The following DENND1A variants were observed in gnomAD, a reference collection of about 807,000 sequenced individuals.
DENND1A encodes the protein DENN domain-containing protein 1A.
A neutral mutation model predicts 113.7 loss-of-function variants in DENND1A; 51 were observed. That is an observed-to-expected ratio of 0.45 (90% confidence interval 0.36 to 0.57). DENND1A has a LOEUF of 0.57. Among genes scored for constraint, DENND1A ranks in the 20% least tolerant of loss-of-function variants. The pLI is 0.00. For missense variants in DENND1A, 1,258 were observed against 1,395.9 expected (o/e 0.90, Z 1.57); for synonymous variants, 565 against 570.8 (o/e 0.99, Z 0.14).
At chr9:123,799,968 T>C (rs962461947) in intron 2 of DENND1A, among the ~76,000 whole-genome samples, 10 of 152,252 alleles carry the variant, frequency 6.6e-5, no homozygotes, top group Admixed American at 6.5e-4. Context: ...ACTACAGATG[T>C]ATAGGTGTGC....
chr9:123,854,705 T>C (rs568303055), intron 2 of DENND1A, among the ~76,000 whole-genome samples: 2 of 132,334 alleles, frequency 1.5e-5, no homozygotes, highest in African/African-American at 5.7e-5. Context: ...AAAAAAAAAA[T>C]AAAAATAAAA....
chr9:123,915,303 T>C (rs1395334208), intron 1 of DENND1A, among the ~76,000 whole-genome samples: 1 of 152,148 alleles, frequency 6.6e-6, no homozygotes, highest in Non-Finnish European at 1.5e-5. Context: ...CTACCCGATC[T>C]AGTGGAGTTA....
At chr9:123,553,048 G>A (rs1042438236) in intron 13 of DENND1A, among the ~76,000 whole-genome samples, 1 of 152,154 alleles carries the variant, frequency 6.6e-6, no homozygotes, top group East Asian at 1.9e-4. Flanking sequence ...CTCGAGCCCA[G>A]GAGTTGAAAC....
chr9:123,446,071 A>T (rs141473445), intron 18 of DENND1A, among the ~76,000 whole-genome samples: 171 of 152,320 alleles, frequency 1.1e-3, no homozygotes, highest in Non-Finnish European at 2.0e-3. Context: ...CATCCTACAC[A>T]ACCAGCACTG....
chr9:123,395,468 C>CTCTGTG (rs367751848), intron 21 of DENND1A, among the ~76,000 whole-genome samples: 17 of 142,890 alleles, frequency 1.2e-4, no homozygotes, highest in Non-Finnish European at 2.0e-4. Context: ...CTCTCTCTCT[C>CTCTGTG]TGTGTGTGTG....
intron 2 of DENND1A, among the ~76,000 whole-genome samples, chr9:123,857,269 C>A (rs1320764830): frequency 6.6e-6 from 1 of 152,202 alleles, no homozygotes; most frequent in Non-Finnish European, 1.5e-5. Flanking sequence ...CAAAAGAACA[C>A]AAGAGCCCTT....
intron 1 of DENND1A, among the ~76,000 whole-genome samples, chr9:123,897,386 C>G (rs1850921903): frequency 6.6e-6 from 1 of 152,122 alleles, no homozygotes; most frequent in African/African-American, 2.4e-5. Flanking sequence ...AAAGAGGCAG[C>G]AGCCTACAGG....
At chr9:123,440,601 G>A in intron 18 of DENND1A, 110 bp from the exon 19 acceptor site, 1 of 1,353,362 alleles carries the variant, frequency 7.4e-7, no homozygotes, top group Non-Finnish European at 9.6e-7. Flanking sequence ...GACATTCTGA[G>A]CCTGACCTCT....
intron 5 of DENND1A, among the ~76,000 whole-genome samples, chr9:123,736,254 C>T (rs996418870): frequency 6.6e-6 from 1 of 152,188 alleles, no homozygotes; most frequent in African/African-American, 2.4e-5. Flanking sequence ...CTAATGTTAT[C>T]ATTTCCATTT....
chr9:123,412,398 G>T (rs549188775), intron 19 of DENND1A, among the ~76,000 whole-genome samples: 1 of 152,166 alleles, frequency 6.6e-6, no homozygotes, highest in Non-Finnish European at 1.5e-5. Flanking sequence ...CTGTCGGCTC[G>T]GATGCTGCCT....
At chr9:123,666,944 C>A in intron 8 of DENND1A, 82 bp downstream of exon 8, 1 of 1,282,296 alleles carries the variant, frequency 7.8e-7, no homozygotes, top group Admixed American at 2.9e-5. Flanking sequence ...ACTTTTAAAT[C>A]ACATCCTTTA....
intron 5 of DENND1A, among the ~76,000 whole-genome samples, chr9:123,745,317 A>C (rs1303254494): frequency 6.6e-6 from 1 of 152,220 alleles, no homozygotes; most frequent in African/African-American, 2.4e-5. Context: ...ACACCTCTGC[A>C]AACGATGAGA....
chr9:123,731,797 T>C (rs1285600257), intron 5 of DENND1A, among the ~76,000 whole-genome samples: 1 of 152,208 alleles, frequency 6.6e-6, no homozygotes. Context: ...AATCACAGGC[T>C]GGGACAATAT....
At chr9:123,721,041 C>T (rs2067299758) in intron 5 of DENND1A, among the ~76,000 whole-genome samples, 1 of 152,188 alleles carries the variant, frequency 6.6e-6, no homozygotes, top group Admixed American at 6.5e-5. Flanking sequence ...GCAAGCTCAC[C>T]TGCTTGCTCA....
At chr9:123,709,239 A>G (rs1326747453) in intron 5 of DENND1A, among the ~76,000 whole-genome samples, 1 of 152,082 alleles carries the variant, frequency 6.6e-6, no homozygotes, top group Non-Finnish European at 1.5e-5. Context: ...TGTTCCCAGG[A>G]CTTCTCTTTC....
intron 19 of DENND1A, among the ~76,000 whole-genome samples, chr9:123,418,800 G>C (rs1281215799): frequency 6.6e-6 from 1 of 152,264 alleles, no homozygotes; most frequent in Non-Finnish European, 1.5e-5. Context: ...ACTTGCCCAG[G>C]GTTGCCCAGA....
intron 1 of DENND1A, among the ~76,000 whole-genome samples, chr9:123,903,174 T>C (rs1331857387): frequency 6.7e-6 from 1 of 149,372 alleles, no homozygotes; most frequent in African/African-American, 2.5e-5. Flanking sequence ...CTACTAAAAA[T>C]ACAAAAAATT....
At chr9:123,645,640 T>A (rs960297208) in intron 9 of DENND1A, among the ~76,000 whole-genome samples, 2 of 152,134 alleles carry the variant, frequency 1.3e-5, no homozygotes, top group African/African-American at 4.8e-5. Context: ...CAGAGAAGCT[T>A]CTACCAGCAA....
rs561068050 is a variant in DENND1A at position 123,421,454 on chromosome 9, G to A, written c.1489-9625C>T. Among the ~76,000 whole-genome samples, 270 of 152,130 alleles carry A rather than the reference G, an allele frequency of 1.8e-3. 1 individual carries two copies. The highest frequency in any genetic ancestry group is 2.4e-3 in the Non-Finnish European group (166 of 67,996). ...AGAAGATGTTAAAACGTATCTCCTC[G>A]GGTCCGCTCCTCTCTCTCCCCAGAA... On this transcript the variant is annotated intron_variant, in intron 19 of 23. Transcript: ENST00000394215.
Sources: gnomAD v4.1 joint callset for allele counts (sites outside exome capture counted in the v4.1 genomes callset) on GRCh38, gnomAD v4.1.1 for gene constraint, MANE v1.5 for transcripts, NCBI Gene and HGNC (gene_info 2026-07-23, HGNC 2026-07-21) for gene names.